KCNJ18: variants seen among roughly 807,000 people sequenced by gnomAD.
KCNJ18 encodes inward rectifier potassium channel 18.
KCNJ18 carries 16 observed loss-of-function variants against 17.3 expected under a neutral mutation model. The observed-to-expected ratio is 0.92, with a 90% CI of 0.62 to 1.40. The LOEUF is 1.40. KCNJ18 is among the 40% of genes most tolerant of loss of function. The probability of loss-of-function intolerance (pLI) is 0.00; values close to 1 mark genes in which losing one functional copy is unlikely to be tolerated. For missense variants in KCNJ18, 462 were observed against 626.8 expected, an observed-to-expected ratio of 0.74 and a Z score of 2.81; for synonymous variants, 185 against 262.6, an observed-to-expected ratio of 0.70 and a Z score of 2.86.
chr17:21,697,374 G>C (rs1473907108), intron 2 of KCNJ18, among the ~76,000 whole-genome samples: 1 of 152,310 alleles, frequency 6.6e-6, no homozygotes, highest in Non-Finnish European at 1.5e-5. Flanking sequence ...GGGTTAGCTT[G>C]GTGGACAGAG....
intron 1 of KCNJ18, among the ~76,000 whole-genome samples, chr17:21,693,829 A>G (rs1450394921): frequency 3.3e-5 from 5 of 152,170 alleles, no homozygotes; most frequent in East Asian, 1.9e-4. Context: ...CCACCCATCC[A>G]TCTCTGAACC....
At chr17:21,698,039 G>A (rs1905821172) in intron 2 of KCNJ18, among the ~76,000 whole-genome samples, 24 of 152,136 alleles carry the variant, frequency 1.6e-4, no homozygotes. Context: ...GAGGGTGAGT[G>A]GCTGTGGGTT....
At chr17:21,697,928 G>C (rs1477129425) in intron 2 of KCNJ18, among the ~76,000 whole-genome samples, 4 of 151,590 alleles carry the variant, frequency 2.6e-5, no homozygotes, top group African/African-American at 2.4e-5. Context: ...CAGGCACCTT[G>C]GGCGGGGAGG....
intron 2 of KCNJ18, among the ~76,000 whole-genome samples, chr17:21,698,016 C>T: frequency 6.6e-6 from 1 of 152,276 alleles, no homozygotes; most frequent in Non-Finnish European, 1.5e-5. Flanking sequence ...GGTAGAGTGC[C>T]CCATCTCCGA....
intron 2 of KCNJ18, among the ~76,000 whole-genome samples, chr17:21,698,040 G>A (rs1233260393): frequency 1.3e-5 from 2 of 152,130 alleles, no homozygotes; most frequent in African/African-American, 4.8e-5. Context: ...AGGGTGAGTG[G>A]CTGTGGGTTG....
intron 1 of KCNJ18, among the ~76,000 whole-genome samples, chr17:21,693,236 C>T (rs1905656189): frequency 2.6e-5 from 4 of 152,292 alleles, no homozygotes; most frequent in Admixed American, 2.0e-4. Context: ...TTGCAGGGTG[C>T]TGCCCTGCCC....
intron 1 of KCNJ18, among the ~76,000 whole-genome samples, chr17:21,693,280 G>A (rs1472721579): frequency 2.6e-5 from 4 of 152,370 alleles, no homozygotes; most frequent in African/African-American, 7.2e-5. Flanking sequence ...TCTGCTCTAC[G>A]TCTCAGTACC....
At chr17:21,701,397 C>G (rs1416249671) in intron 2 of KCNJ18, among the ~76,000 whole-genome samples, 7 of 152,394 alleles carry the variant, frequency 4.6e-5, no homozygotes, top group African/African-American at 1.7e-4. Context: ...TGCAATCTTC[C>G]TTAGAGATGC....
In KCNJ18 at chr17:21,703,730, C is replaced by A. The variant is rs1192975949; in HGVS notation, c.944C>A (p.Ser315Tyr). Residue 315 changes from serine to tyrosine, a missense_variant, in exon 3 of 3, where the codon TCC becomes TAC. Ser to Tyr is a moderately radical substitution (Grantham distance 144, BLOSUM62 -2). Around this residue, in one of 5 missense-constraint regions of KCNJ18, gnomAD observed 20 missense variants for 61.7 expected, o/e 0.32. Coordinates refer to ENST00000567955, the MANE Select transcript of KCNJ18 (RefSeq NM_001194958.2). ...GCCATGACCACCCAGGCCCGCAGCT[C>A]CTACCTGGCCAATGAGATCCTGTGG... is the stretch of plus-strand genomic sequence containing the variant. ...ATAMTTQARS[S>Y]YLANEILWGH... The A allele has an allele frequency of 6.3e-7, 1 of 1,599,352 alleles. No individual in the cohort carries two copies. The highest frequency in any genetic ancestry group is 1.3e-5 in the African/African-American group (1 of 74,486).
intron 1 of KCNJ18, among the ~76,000 whole-genome samples, chr17:21,693,410 C>G (rs1452373567): frequency 6.6e-5 from 10 of 152,310 alleles, no homozygotes; most frequent in Non-Finnish European, 1.5e-4. Flanking sequence ...TTGGGAGAGC[C>G]TGGTGCAAGC....
At chr17:21,696,385 C>G (rs1290851727) in intron 2 of KCNJ18, among the ~76,000 whole-genome samples, 38 of 152,016 alleles carry the variant, frequency 2.5e-4, no homozygotes, top group East Asian at 1.9e-3. Context: ...CATCTATCTG[C>G]TCACCCCTAT....
chr17:21,697,180 A>G (rs1905783141), intron 2 of KCNJ18, among the ~76,000 whole-genome samples: 1 of 152,300 alleles, frequency 6.6e-6, no homozygotes, highest in Non-Finnish European at 1.5e-5. Context: ...GCAGAGAGAC[A>G]CTGGTTCGTG....
At chr17:21,702,465 T>G (rs1402328274) in intron 2 of KCNJ18, among the ~76,000 whole-genome samples, 1 of 151,354 alleles carries the variant, frequency 6.6e-6, no homozygotes, top group Middle Eastern at 3.2e-3. Flanking sequence ...GGAGAAGGGG[T>G]CGGATCCTAA....
At position 21,702,888 on chromosome 17, in the gene KCNJ18, C is replaced by G. The variant is rs1323744591; in HGVS notation, c.102C>G (p.Gly34=). 8.7e-6 allele frequency: 14 copies of G among 1,600,048 alleles called. No homozygotes were observed. Among genetic ancestry groups the G allele is most frequent in the Non-Finnish European group, 1.1e-5 (13 of 1,176,756 alleles). The part of the protein sequence containing the change: ...TMSGANGFGN[G]KVHTRRRCRN... ...CGGGCGCCAACGGCTTCGGCAACGGCAAGGTGCACACGCGGCGCAGGTGCC... is the reference window on the plus strand; with the variant it reads ...CGGGCGCCAACGGCTTCGGCAACGGGAAGGTGCACACGCGGCGCAGGTGCC... Residue 34 remains glycine, a synonymous_variant, in exon 3 of 3, where the codon GGC becomes GGG. Transcript: ENST00000567955.
Position 21,703,034 on chromosome 17 carries a change from TG to T in KCNJ18, c.249del (p.Met83IlefsTer42), listed in dbSNP as rs1348250521. On this transcript the variant is annotated frameshift_variant, in exon 3 of 3. Transcript: ENST00000567955. LOFTEE classifies it high-confidence loss of function. ...TTCVDIRWRY[M>X]LLIFSLAFLA... The stretch of plus-strand genomic sequence containing the variant: ...TGTGTGGACATCCGCTGGCGCTACA[TG>T]CTGCTCATCTTCTCGCTGGCCTTCC... 5 of 1,613,274 alleles carry T rather than the reference TG, an allele frequency of 3.1e-6. No individual in the cohort carries two copies. The African/African-American group carries it at 6.7e-5, about 22-fold the overall frequency.
rs1193816709 is a variant in KCNJ18 at position 21,700,504 on chromosome 17, G to A, written c.-56-2227G>A. On this transcript the variant is annotated intron_variant, in intron 2 of 2. Coordinates refer to ENST00000567955, the MANE Select transcript of KCNJ18 (RefSeq NM_001194958.2). ...GTGTGCTGCTCGGACCAGCGGGCTC[G>A]GGGCTAAGCAACCAGGCAGCCCCTG... Among the ~76,000 whole-genome samples the A allele has an allele frequency of 6.2e-5, 6 of 97,104 alleles. No homozygotes were observed. The East Asian group carries it at 4.1e-3, about 67-fold the overall frequency. 63.7% of individuals were successfully genotyped at this position (97,104 alleles called of 152,430 possible).
chr17:21,693,017 C>T (rs1438616993), intron 1 of KCNJ18, among the ~76,000 whole-genome samples: 20 of 152,420 alleles, frequency 1.3e-4, no homozygotes, highest in East Asian at 1.9e-4. Flanking sequence ...CCCTCCCCTG[C>T]GGGACGCTGT....
intron 1 of KCNJ18, among the ~76,000 whole-genome samples, chr17:21,694,571 C>T (rs1358792663): frequency 2.0e-5 from 3 of 148,972 alleles, no homozygotes; most frequent in Non-Finnish European, 1.5e-5. Flanking sequence ...CACCCTCACA[C>T]TCATCCACCC....
Position 21,703,503 on chromosome 17 carries a change from G to A in KCNJ18, c.717G>A (p.Glu239=), listed in dbSNP as rs1906050032. Residue 239 remains glutamate (E), a synonymous_variant, in exon 3 of 3, where the codon GAG becomes GAA. Coordinates refer to ENST00000567955, the MANE Select transcript of KCNJ18 (RefSeq NM_001194958.2). Reference sequence around the variant, plus strand: ...AGCTCATCAAGCCGCGGGTCACCGAGGAGGGCGAGTACATCCCGCTGGACC... The same window carrying A: ...AGCTCATCAAGCCGCGGGTCACCGAAGAGGGCGAGTACATCCCGCTGGACC... ...RAQLIKPRVT[E]EGEYIPLDQI... 1 of 1,604,430 alleles carries A rather than the reference G, an allele frequency of 6.2e-7. No homozygotes were observed. Among genetic ancestry groups the A allele is most frequent in the East Asian group, 2.3e-5 (1 of 44,312 alleles).
Sources: allele counts gnomAD v4.1 joint callset (sites outside exome capture counted in the v4.1 genomes callset), GRCh38; gene constraint gnomAD v4.1.1; regional missense constraint gnomAD v4.1.1; transcripts MANE v1.5; gene names NCBI Gene and HGNC (gene_info 2026-07-23, HGNC 2026-07-21).